ZNF532: variants seen among roughly 807,000 people sequenced by gnomAD.
The protein encoded by ZNF532 is zinc finger protein 532.
Under a neutral mutation model 89.3 loss-of-function variants are expected in ZNF532, and 22 were observed. The observed-to-expected ratio is 0.25, with a 90% CI of 0.18 to 0.35. The LOEUF (loss-of-function observed/expected upper bound fraction) is 0.35, where lower values mean the gene tolerates loss of function less well. Among genes scored for constraint, ZNF532 ranks in the 10% least tolerant of loss-of-function variants. The probability of loss-of-function intolerance (pLI) is 1.00; values close to 1 mark genes in which losing one functional copy is unlikely to be tolerated. For missense variants in ZNF532, 1,132 were observed against 1,643.4 expected (o/e 0.69, Z 5.38); for synonymous variants, 606 against 649.6 (o/e 0.93, Z 1.02).
intron 7 of ZNF532, among the ~76,000 whole-genome samples, chr18:58,960,709 T>C (rs151169103): frequency 1.3e-5 from 2 of 152,318 alleles, no homozygotes; most frequent in Non-Finnish European, 2.9e-5. Context: ...TACTGTTCTG[T>C]ACAGTGTAGT....
chr18:58,878,589 T>C (rs1347855644), intron 2 of ZNF532, among the ~76,000 whole-genome samples: 1 of 152,220 alleles, frequency 6.6e-6, no homozygotes, highest in Non-Finnish European at 1.5e-5. Flanking sequence ...CACCCAGCCT[T>C]CACGTGGAGT....
chr18:58,920,748 G>A (rs1360130986), intron 3 of ZNF532, 115 bp downstream of exon 3: 8 of 397,316 alleles, frequency 2.0e-5, no homozygotes, highest in Admixed American at 1.5e-4. Context: ...GTGTGTGTGT[G>A]TGTGTGTGTG....
At chr18:58,937,257 A>G (rs1365300905) in intron 4 of ZNF532, among the ~76,000 whole-genome samples, 1 of 152,238 alleles carries the variant, frequency 6.6e-6, no homozygotes, top group Admixed American at 6.5e-5. Flanking sequence ...GCATTAAGAT[A>G]CTGCATGAGC....
intron 7 of ZNF532, among the ~76,000 whole-genome samples, chr18:58,970,931 T>G (rs1424009916): frequency 6.6e-6 from 1 of 152,232 alleles, no homozygotes; most frequent in Non-Finnish European, 1.5e-5. Flanking sequence ...GTAGCCTTCC[T>G]TCAGCCCTTT....
chr18:58,905,811 G>A (rs752527511), intron 2 of ZNF532, among the ~76,000 whole-genome samples: 1 of 152,162 alleles, frequency 6.6e-6, no homozygotes, highest in Non-Finnish European at 1.5e-5. Context: ...CCAGGAGTCC[G>A]TCTAGGATAT....
At chr18:58,976,807 C>T (rs951559859) in intron 7 of ZNF532, among the ~76,000 whole-genome samples, 7 of 152,176 alleles carry the variant, frequency 4.6e-5, no homozygotes, top group Non-Finnish European at 7.3e-5. Context: ...TGAGCCACTG[C>T]GCCCAGCCTC....
intron 2 of ZNF532, among the ~76,000 whole-genome samples, chr18:58,890,425 TC>T (rs975558507): frequency 6.6e-6 from 1 of 151,994 alleles, no homozygotes; most frequent in Non-Finnish European, 1.5e-5. Context: ...TGATCCTTAT[TC>T]TTTTTTTGAT....
At chr18:58,871,259 G>A (rs2056955612) in intron 2 of ZNF532, among the ~76,000 whole-genome samples, 1 of 152,070 alleles carries the variant, frequency 6.6e-6, no homozygotes, top group Non-Finnish European at 1.5e-5. Flanking sequence ...TCTTAGAGGT[G>A]GGGTCCTGCT....
chr18:58,977,985 C>T (rs1015439080), intron 7 of ZNF532, among the ~76,000 whole-genome samples: 5 of 152,198 alleles, frequency 3.3e-5, no homozygotes, highest in African/African-American at 9.6e-5. Flanking sequence ...GGCTTGACAG[C>T]TCTTTAATTT....
intron 2 of ZNF532, among the ~76,000 whole-genome samples, chr18:58,899,856 C>G (rs1022884387): frequency 2.8e-4 from 42 of 152,264 alleles, no homozygotes; most frequent in Admixed American, 7.2e-4. Flanking sequence ...TCTTTATTTT[C>G]TAGTTATACT....
chr18:58,889,125 A>G (rs535066154), intron 2 of ZNF532, among the ~76,000 whole-genome samples: 1 of 151,332 alleles, frequency 6.6e-6, no homozygotes, highest in African/African-American at 2.4e-5. Flanking sequence ...TAGAATATTC[A>G]GTGTACTTCT....
chr18:58,908,270 C>G (rs1330214175), intron 2 of ZNF532, among the ~76,000 whole-genome samples: 1 of 152,190 alleles, frequency 6.6e-6, no homozygotes, highest in East Asian at 1.9e-4. Flanking sequence ...GTGTTGTGCT[C>G]TCCCACTTAT....
At chr18:58,871,958 G>T (rs1204644301) in intron 2 of ZNF532, among the ~76,000 whole-genome samples, 1 of 152,204 alleles carries the variant, frequency 6.6e-6, no homozygotes, top group Non-Finnish European at 1.5e-5. Context: ...GTGCCGAGAA[G>T]AATCTTTTGT....
intron 2 of ZNF532, among the ~76,000 whole-genome samples, chr18:58,888,710 TA>T (rs1171059303): frequency 3.2e-4 from 4 of 12,540 alleles, no homozygotes; most frequent in South Asian, 3.7e-3. Flanking sequence ...TATATATATA[TA>T]TATATATATA....
chr18:58,926,061 T>C (rs1186305988), intron 3 of ZNF532: 1 of 152,246 alleles, frequency 6.6e-6, no homozygotes, highest in African/African-American at 2.4e-5. Flanking sequence ...TTTTCACTCA[T>C]CTAGTTCTTT....
intron 6 of ZNF532, among the ~76,000 whole-genome samples, chr18:58,952,404 G>GT (rs1403916235): frequency 1.3e-5 from 2 of 151,836 alleles, no homozygotes; most frequent in Non-Finnish European, 2.9e-5. Context: ...CTCTTTTTTT[G>GT]TTTTTGTTTT....
intron 2 of ZNF532, among the ~76,000 whole-genome samples, chr18:58,904,006 G>GTAA (rs1330339476): frequency 6.6e-6 from 1 of 152,156 alleles, no homozygotes; most frequent in African/African-American, 2.4e-5. Flanking sequence ...CTCTCCCTTA[G>GTAA]TAATAATAGG....
intron 5 of ZNF532, among the ~76,000 whole-genome samples, chr18:58,943,704 G>T (rs561361285): frequency 1.3e-5 from 2 of 151,960 alleles, no homozygotes; most frequent in Non-Finnish European, 2.9e-5. Context: ...CTTGTGATCC[G>T]CCTGCCTCAG....
At chr18:58,951,001 G>A (rs2009459) in intron 6 of ZNF532, among the ~76,000 whole-genome samples, 11,197 of 149,780 alleles carry the variant, frequency 0.075, 892 homozygotes, top group African/African-American at 0.2. Context: ...CTGTTGCCCC[G>A]GTTGGAGTAC....
Sources: gnomAD v4.1 joint callset for allele counts (sites outside exome capture counted in the v4.1 genomes callset) on GRCh38, gnomAD v4.1.1 for gene constraint, MANE v1.5 for transcripts, NCBI Gene and HGNC (gene_info 2026-07-23, HGNC 2026-07-21) for gene names.